Variants in ZNF503 observed in about 807,000 individuals in gnomAD.
ZNF503 encodes the protein zinc finger protein 503, also known as NocA-like zinc finger 2.
In ZNF503, 15 loss-of-function variants were observed where a neutral mutation model predicts 34.4. The observed-to-expected ratio is 0.44, with a 90% confidence interval of 0.29 to 0.67. ZNF503 has a LOEUF of 0.67. Ranked by LOEUF, ZNF503 falls within the 30% of genes least tolerant of loss-of-function variation. The probability of loss-of-function intolerance (pLI) is 0.13; values close to 1 mark genes in which losing one functional copy is unlikely to be tolerated. For missense variants in ZNF503, 1,007 were observed against 926.8 expected, an observed-to-expected ratio of 1.09 and a Z score of -1.12; for synonymous variants, 580 against 456.8, an observed-to-expected ratio of 1.27 and a Z score of -3.44.
the ZNF503 span, chr10:75,361,278 A>G: frequency 6.6e-6 from 1 of 152,230 alleles, no homozygotes; most frequent in East Asian, 1.9e-4. Flanking sequence ...CAGGCTTAGC[A>G]CAGGGTCTGA....
chr10:75,282,350 C>T, the ZNF503 span, among the ~76,000 whole-genome samples: 3 of 151,994 alleles, frequency 2.0e-5, no homozygotes, highest in African/African-American at 7.3e-5. Context: ...TTTTTAAACC[C>T]TCTTCCCTCC....
the ZNF503 span, among the ~76,000 whole-genome samples, chr10:75,368,313 G>A: frequency 6.6e-6 from 1 of 152,152 alleles, no homozygotes; most frequent in South Asian, 2.1e-4. Context: ...AAAATAAGCA[G>A]ATTTTCAAGG....
the ZNF503 span, among the ~76,000 whole-genome samples, chr10:75,364,740 C>G: frequency 6.6e-6 from 1 of 152,054 alleles, no homozygotes; most frequent in African/African-American, 2.4e-5. Context: ...CATTGAAAAA[C>G]AAGTAAACCA....
chr10:75,311,841 G>C, the ZNF503 span, among the ~76,000 whole-genome samples: 1 of 151,720 alleles, frequency 6.6e-6, no homozygotes, highest in Non-Finnish European at 1.5e-5. Flanking sequence ...AGAAACCATA[G>C]AAGTAGAGGC....
At chr10:75,310,465 T>G in the ZNF503 span, among the ~76,000 whole-genome samples, 2 of 152,212 alleles carry the variant, frequency 1.3e-5, no homozygotes, top group African/African-American at 4.8e-5. Context: ...CCTAGCAAGA[T>G]AGGAAACTTT....
At chr10:75,316,349 CCTTTTTTTTTTTTT>C in the ZNF503 span, among the ~76,000 whole-genome samples, 3 of 150,098 alleles carry the variant, frequency 2.0e-5, no homozygotes, top group Admixed American at 6.6e-5. Flanking sequence ...CTTTTCTTTT[CCTTTTTTTTTTTTT>C]CTTTTTCTTT....
downstream of ZNF503, among the ~76,000 whole-genome samples, chr10:75,393,464 G>A (rs1269893023): frequency 1.3e-5 from 2 of 152,168 alleles, no homozygotes. Flanking sequence ...GGGGTAGCGA[G>A]GAAATAAGGT....
chr10:75,342,415 T>A, the ZNF503 span, among the ~76,000 whole-genome samples: 1 of 152,202 alleles, frequency 6.6e-6, no homozygotes, highest in East Asian at 1.9e-4. Context: ...AGCAGGACTG[T>A]GCAGAAGGAG....
the ZNF503 span, among the ~76,000 whole-genome samples, chr10:75,334,044 A>G: frequency 8.1e-6 from 1 of 122,844 alleles, no homozygotes; most frequent in African/African-American, 3.3e-5. Flanking sequence ...GACGCTCCTC[A>G]CTTTCCAGAC....
chr10:75,300,150 A>G, the ZNF503 span, among the ~76,000 whole-genome samples: 1 of 152,234 alleles, frequency 6.6e-6, no homozygotes, highest in Non-Finnish European at 1.5e-5. Flanking sequence ...TCAGGGGCAC[A>G]TTCTCTTTCT....
chr10:75,306,534 G>A, the ZNF503 span, among the ~76,000 whole-genome samples: 88 of 152,218 alleles, frequency 5.8e-4, no homozygotes, highest in African/African-American at 2.0e-3. Context: ...CTGATGCATA[G>A]AAGTTTTTAA....
the ZNF503 span, among the ~76,000 whole-genome samples, chr10:75,379,347 A>G: frequency 6.6e-6 from 1 of 152,104 alleles, no homozygotes; most frequent in Non-Finnish European, 1.5e-5. Context: ...AACGATGTTG[A>G]TTTTATCTCC....
chr10:75,384,584 C>T, the ZNF503 span, among the ~76,000 whole-genome samples: 1 of 152,286 alleles, frequency 6.6e-6, no homozygotes, highest in African/African-American at 2.4e-5. Flanking sequence ...ATCCTCACTC[C>T]TAGCCCCTAG....
chr10:75,334,177 C>T, the ZNF503 span, among the ~76,000 whole-genome samples: 40 of 151,336 alleles, frequency 2.6e-4, no homozygotes, highest in Non-Finnish European at 5.6e-4. Context: ...TTTGGGAGGC[C>T]AAGGCAGGCG....
the ZNF503 span, among the ~76,000 whole-genome samples, chr10:75,316,908 A>G: frequency 6.6e-6 from 1 of 152,158 alleles, no homozygotes; most frequent in Non-Finnish European, 1.5e-5. Context: ...ATGAAGCAAA[A>G]GCAGTTCTTA....
the ZNF503 span, among the ~76,000 whole-genome samples, chr10:75,287,136 C>T: frequency 1.2e-3 from 184 of 152,240 alleles, no homozygotes; most frequent in African/African-American, 4.0e-3. Context: ...GTCAGAAGTG[C>T]CCTCTGCATG....
the ZNF503 span, among the ~76,000 whole-genome samples, chr10:75,343,499 C>T: frequency 5.9e-5 from 9 of 152,306 alleles, no homozygotes; most frequent in African/African-American, 1.2e-4. Flanking sequence ...ATCTACTCTG[C>T]GCCCAACCTT....
the ZNF503 span, among the ~76,000 whole-genome samples, chr10:75,392,167 G>A: frequency 5.3e-5 from 8 of 152,210 alleles, no homozygotes; most frequent in African/African-American, 1.4e-4. Flanking sequence ...ACATGAATAA[G>A]TGAATGGATG....
At chr10:75,325,886 T>TCTCA in the ZNF503 span, among the ~76,000 whole-genome samples, 1 of 151,252 alleles carries the variant, frequency 6.6e-6, no homozygotes, top group African/African-American at 2.4e-5. Flanking sequence ...TGAGATAGGG[T>TCTCA]CTCACTCTGT....
Sources: allele counts gnomAD v4.1 joint callset (sites outside exome capture counted in the v4.1 genomes callset), GRCh38; gene constraint gnomAD v4.1.1; transcripts MANE v1.5; gene names NCBI Gene and HGNC (gene_info 2026-07-23, HGNC 2026-07-21).